Variants in ARHGEF28 observed in about 807,000 individuals in gnomAD.
The protein encoded by ARHGEF28 is 190 kDa guanine nucleotide exchange factor.
ARHGEF28 carries 152 observed loss-of-function variants against 206.6 expected under a neutral mutation model. That is an observed-to-expected ratio of 0.74 (90% CI 0.64 to 0.84). The LOEUF is 0.84. Among genes scored for constraint, ARHGEF28 ranks in the 40% least tolerant of loss-of-function variants. The pLI, the probability that ARHGEF28 is intolerant of heterozygous loss-of-function variation, is 0.00. For synonymous variants in ARHGEF28, 763 were observed against 776.4 expected (o/e 0.98, Z 0.29); for missense variants, 2,028 against 2,073.2 (o/e 0.98, Z 0.42).
At chr5:73,672,424 G>T (rs1746409082) in intron 1 of ARHGEF28, among the ~76,000 whole-genome samples, 1 of 152,096 alleles carries the variant, frequency 6.6e-6, no homozygotes, top group South Asian at 2.1e-4. Context: ...CAGTCCAGTG[G>T]TCTTCCTCCT....
chr5:73,859,988 A>G (rs1183916037), intron 16 of ARHGEF28, among the ~76,000 whole-genome samples: 1 of 152,116 alleles, frequency 6.6e-6, no homozygotes, highest in Non-Finnish European at 1.5e-5. Context: ...ACTGAGAGTC[A>G]CTTTCTAGTC....
chr5:73,701,706 T>C (rs1366141998), intron 2 of ARHGEF28, among the ~76,000 whole-genome samples: 2 of 152,166 alleles, frequency 1.3e-5, no homozygotes, highest in African/African-American at 4.8e-5. Context: ...TGTGAAGTAA[T>C]ACAGCTTATG....
chr5:73,870,898 C>G (rs1025458035), intron 21 of ARHGEF28, among the ~76,000 whole-genome samples: 1 of 152,174 alleles, frequency 6.6e-6, no homozygotes, highest in Admixed American at 6.5e-5. Context: ...AAAGATAACA[C>G]TGGGTCTTTT....
At chr5:73,705,386 T>A (rs1478482748) in intron 2 of ARHGEF28, among the ~76,000 whole-genome samples, 1 of 152,242 alleles carries the variant, frequency 6.6e-6, no homozygotes, top group East Asian at 1.9e-4. Flanking sequence ...CCTTCTCTGT[T>A]GATGCCTGCC....
intron 9 of ARHGEF28, among the ~76,000 whole-genome samples, chr5:73,806,977 A>G (rs1482278147): frequency 6.7e-6 from 1 of 149,056 alleles, no homozygotes; most frequent in Non-Finnish European, 1.5e-5. Flanking sequence ...AAATATAGTC[A>G]GTTAAACTTT....
intron 9 of ARHGEF28, among the ~76,000 whole-genome samples, chr5:73,816,579 G>C (rs1420753262): frequency 6.6e-6 from 1 of 152,170 alleles, no homozygotes; most frequent in East Asian, 1.9e-4. Context: ...CTTGTGGAGG[G>C]AGTGATGTGA....
intron 35 of ARHGEF28, among the ~76,000 whole-genome samples, chr5:73,930,114 G>A (rs1219857517): frequency 6.6e-6 from 1 of 152,004 alleles, no homozygotes; most frequent in Non-Finnish European, 1.5e-5. Context: ...ACATGAATGA[G>A]AGTTTATTTC....
intron 1 of ARHGEF28, among the ~76,000 whole-genome samples, chr5:73,657,872 A>G (rs1745316317): frequency 6.6e-6 from 1 of 152,150 alleles, no homozygotes; most frequent in Non-Finnish European, 1.5e-5. Flanking sequence ...CATGGGCAAG[A>G]TGTCTCCCCT....
chr5:73,772,210 A>G (rs1753262064), intron 4 of ARHGEF28, among the ~76,000 whole-genome samples: 1 of 152,162 alleles, frequency 6.6e-6, no homozygotes, highest in South Asian at 2.1e-4. Flanking sequence ...GCTTTGTAGA[A>G]ACCTGGCTTC....
At chr5:73,762,660 T>C (rs1752670000) in intron 4 of ARHGEF28, among the ~76,000 whole-genome samples, 1 of 152,206 alleles carries the variant, frequency 6.6e-6, no homozygotes, top group African/African-American at 2.4e-5. Flanking sequence ...CCTATGTTTC[T>C]TGTCAACACA....
intron 1 of ARHGEF28, among the ~76,000 whole-genome samples, chr5:73,677,766 A>C (rs937632307): frequency 1.3e-5 from 2 of 152,234 alleles, no homozygotes; most frequent in African/African-American, 4.8e-5. Context: ...TAAGGCCCCA[A>C]GTCATCCCCT....
intron 26 of ARHGEF28, among the ~76,000 whole-genome samples, chr5:73,891,436 G>C (rs1299214905): frequency 1.3e-5 from 2 of 151,940 alleles, no homozygotes; most frequent in East Asian, 3.9e-4. Flanking sequence ...CCTATCTCAT[G>C]CTCTCTTAGA....
intron 2 of ARHGEF28, among the ~76,000 whole-genome samples, chr5:73,730,674 A>G (rs900427900): frequency 6.6e-6 from 1 of 151,878 alleles, no homozygotes; most frequent in Non-Finnish European, 1.5e-5. Context: ...AGTTGGGACT[A>G]CAGGTGTGTG....
chr5:73,685,972 C>T (rs1192099369), intron 2 of ARHGEF28, among the ~76,000 whole-genome samples: 2 of 152,172 alleles, frequency 1.3e-5, no homozygotes, highest in Non-Finnish European at 1.5e-5. Context: ...ATAGATTCAT[C>T]CACTTCCCAC....
chr5:73,744,672 T>A (rs1046286618), intron 2 of ARHGEF28, among the ~76,000 whole-genome samples: 1 of 152,092 alleles, frequency 6.6e-6, no homozygotes, highest in Non-Finnish European at 1.5e-5. Context: ...GATTATAATA[T>A]TTAACAGTCA....
intron 2 of ARHGEF28, among the ~76,000 whole-genome samples, chr5:73,731,238 G>A (rs1750607285): frequency 6.6e-6 from 1 of 152,110 alleles, no homozygotes; most frequent in Admixed American, 6.6e-5. Flanking sequence ...GTATAGTTTG[G>A]AAGGAGGGTA....
chr5:73,906,716 T>C (rs1176855307), intron 33 of ARHGEF28, among the ~76,000 whole-genome samples: 1 of 152,210 alleles, frequency 6.6e-6, no homozygotes, highest in Non-Finnish European at 1.5e-5. Flanking sequence ...TCATATGGTA[T>C]GATATGCGTG....
intron 2 of ARHGEF28, among the ~76,000 whole-genome samples, chr5:73,690,525 C>CAAAAAAAA (rs71615796): frequency 4.3e-5 from 1 of 23,372 alleles, no homozygotes; most frequent in African/African-American, 9.6e-5. Flanking sequence ...TCTGTCTTTA[C>CAAAAAAAA]AAAAAAAAAA....
chr5:73,685,565 G>A (rs1435068355), intron 2 of ARHGEF28, among the ~76,000 whole-genome samples: 1 of 152,064 alleles, frequency 6.6e-6, no homozygotes, highest in Non-Finnish European at 1.5e-5. Flanking sequence ...TGTGTGAGGA[G>A]ACTGGAGTTT....
Sources: gnomAD v4.1 joint callset for allele counts (sites outside exome capture counted in the v4.1 genomes callset) on GRCh38, gnomAD v4.1.1 for gene constraint, MANE v1.5 for transcripts, NCBI Gene and HGNC (gene_info 2026-07-23, HGNC 2026-07-21) for gene names.